SLC35F1: variants seen among roughly 807,000 people sequenced by gnomAD.
SLC35F1 encodes chromosome 6 open reading frame 169.
In SLC35F1, 14 loss-of-function variants were observed where a neutral mutation model predicts 48.7. The observed-to-expected ratio is 0.29, with a 90% confidence interval of 0.19 to 0.45. The LOEUF is 0.45. Ranked by LOEUF, SLC35F1 falls within the 20% of genes least tolerant of loss-of-function variation. The pLI, the probability that SLC35F1 is intolerant of heterozygous loss-of-function variation, is 1.00. For missense variants in SLC35F1, 404 were observed against 500.0 expected (o/e 0.81, Z 1.83); for synonymous variants, 190 against 202.2 (o/e 0.94, Z 0.51).
chr6:117,908,524 C>T (rs1775724392), intron 1 of SLC35F1, among the ~76,000 whole-genome samples: 1 of 152,198 alleles, frequency 6.6e-6, no homozygotes, highest in African/African-American at 2.4e-5. Context: ...AAGTGCAAAA[C>T]ATTGCGGGCA....
In SLC35F1 at chr6:118,049,905, C is replaced by G. The variant is rs1191137844; in HGVS notation, c.174-104540C>G. Among the ~76,000 whole-genome samples, 3 of 152,188 alleles carry G rather than the reference C, an allele frequency of 2.0e-5. No individual in the cohort carries two copies. The East Asian group carries it at 5.8e-4, about 29-fold the overall frequency. ...ATTATAAATCATGCTGCTATAAAGA[C>G]ACATGCACACGTATGTTTATTGTGG... On this transcript the variant is annotated intron_variant, in intron 1 of 7. Coordinates refer to ENST00000360388, the MANE Select transcript of SLC35F1 (RefSeq NM_001029858.4).
chr6:118,196,825 T>A (rs1774807747), intron 2 of SLC35F1, among the ~76,000 whole-genome samples: 1 of 152,192 alleles, frequency 6.6e-6, no homozygotes, highest in Non-Finnish European at 1.5e-5. Context: ...GTTTTAGATC[T>A]TAACATTTAG....
intron 2 of SLC35F1, among the ~76,000 whole-genome samples, chr6:118,176,005 A>G (rs542004981): frequency 8.5e-5 from 13 of 152,196 alleles, no homozygotes; most frequent in East Asian, 1.9e-4. Flanking sequence ...CATTTCTTCA[A>G]TGTTAAGTAT....
At chr6:118,193,598 G>T (rs1272054461) in intron 2 of SLC35F1, among the ~76,000 whole-genome samples, 2 of 151,998 alleles carry the variant, frequency 1.3e-5, no homozygotes, top group Non-Finnish European at 2.9e-5. Flanking sequence ...TACATACCTT[G>T]CATGTAAAAA....
chr6:118,067,202 A>C (rs1772628588), intron 1 of SLC35F1, among the ~76,000 whole-genome samples: 1 of 152,214 alleles, frequency 6.6e-6, no homozygotes, highest in African/African-American at 2.4e-5. Context: ...AAGGTCATAA[A>C]ATGAGAAGAA....
At chr6:118,305,890 T>C (rs772849819) in intron 7 of SLC35F1, among the ~76,000 whole-genome samples, 1 of 152,176 alleles carries the variant, frequency 6.6e-6, no homozygotes, top group Non-Finnish European at 1.5e-5. Flanking sequence ...GTCATGGTTA[T>C]TTACCTCGTG....
At chr6:118,204,758 G>A (rs1774913326) in intron 2 of SLC35F1, among the ~76,000 whole-genome samples, 1 of 152,124 alleles carries the variant, frequency 6.6e-6, no homozygotes, top group African/African-American at 2.4e-5. Context: ...TCAAGAAACA[G>A]TATTACCCAC....
At chr6:118,096,691 A>T (rs2114355946) in intron 1 of SLC35F1, among the ~76,000 whole-genome samples, 1 of 152,290 alleles carries the variant, frequency 6.6e-6, no homozygotes, top group African/African-American at 2.4e-5. Flanking sequence ...TCAGTTAGCC[A>T]AGGGAGATAC....
In SLC35F1 at chr6:117,911,986, T is replaced by C. The variant is rs150606987; in HGVS notation, c.173+4087T>C. 8.8e-4 allele frequency among the ~76,000 whole-genome samples: 134 copies of C among 152,356 alleles called. 1 individual carries two copies. Among genetic ancestry groups the C allele is most frequent in the African/African-American group, 2.7e-3 (112 of 41,576 alleles). ...TTTGAGAAATGAGTGATAGCTTGTT[T>C]TGTGTTTTGCATATGTGTGCTTTTA... is the stretch of plus-strand genomic sequence containing the variant. On this transcript the variant is annotated intron_variant, in intron 1 of 7. Transcript: ENST00000360388.
intron 1 of SLC35F1, among the ~76,000 whole-genome samples, chr6:118,005,184 C>T (rs1267138790): frequency 6.6e-6 from 1 of 152,036 alleles, no homozygotes; most frequent in Non-Finnish European, 1.5e-5. Context: ...GTTCAGAGGT[C>T]CCCTGGTAGT....
At chr6:118,080,183 G>C (rs1772885045) in intron 1 of SLC35F1, among the ~76,000 whole-genome samples, 1 of 152,116 alleles carries the variant, frequency 6.6e-6, no homozygotes. Context: ...GGAACTGCAG[G>C]GAAGAAAAAA....
At chr6:118,023,564 C>G (rs79007679) in intron 1 of SLC35F1, among the ~76,000 whole-genome samples, 153 of 152,160 alleles carry the variant, frequency 1.0e-3, no homozygotes, top group Non-Finnish European at 1.7e-3. Context: ...AAATGGTGGG[C>G]ATGGAAGGGA....
At chr6:118,056,902 T>C (rs896018839) in intron 1 of SLC35F1, among the ~76,000 whole-genome samples, 4 of 152,102 alleles carry the variant, frequency 2.6e-5, no homozygotes, top group African/African-American at 9.7e-5. Context: ...TTTTGATTAT[T>C]AGACCATCTT....
chr6:118,235,730 T>C, intron 3 of SLC35F1, 94 bp downstream of exon 3: 1 of 1,345,122 alleles, frequency 7.4e-7, no homozygotes, highest in South Asian at 1.4e-5. Context: ...TACAAGTTAC[T>C]ATCTGTATAC....
intron 2 of SLC35F1, among the ~76,000 whole-genome samples, chr6:118,162,518 T>C (rs1582703815): frequency 6.6e-6 from 1 of 152,186 alleles, no homozygotes; most frequent in East Asian, 1.9e-4. Flanking sequence ...GAGAATTTTA[T>C]TGTATCTAAG....
chr6:117,963,622 C>T lies in SLC35F1; in HGVS notation c.173+55723C>T, dbSNP rs535160523. ...TAAAGTCTTTCTAGACAATTTTCCC[C>T]CCTGAATTCTTGAAGATTTTTCACC... On this transcript the variant is annotated intron_variant, in intron 1 of 7. Transcript: ENST00000360388. Among the ~76,000 whole-genome samples the T allele has an allele frequency of 3.9e-5, 6 of 152,036 alleles. No individual in the cohort carries two copies. In the South Asian group the frequency reaches 1.2e-3, roughly 32 times the overall value.
intron 6 of SLC35F1, among the ~76,000 whole-genome samples, chr6:118,277,959 A>G (rs968052161): frequency 2.0e-5 from 3 of 152,252 alleles, no homozygotes; most frequent in African/African-American, 7.2e-5. Context: ...ACAAAAAGCC[A>G]TGAAAGGAAA....
At chr6:118,078,823 T>G (rs1306340713) in intron 1 of SLC35F1, among the ~76,000 whole-genome samples, 1 of 152,166 alleles carries the variant, frequency 6.6e-6, no homozygotes, top group Non-Finnish European at 1.5e-5. Flanking sequence ...TTCCTGGTGC[T>G]GGCATTTGAG....
intron 1 of SLC35F1, among the ~76,000 whole-genome samples, chr6:118,094,886 T>C (rs1773127360): frequency 6.6e-6 from 1 of 152,010 alleles, no homozygotes; most frequent in Non-Finnish European, 1.5e-5. Flanking sequence ...GAGAGTCACT[T>C]GAACCCAGGA....
Sources: allele counts gnomAD v4.1 joint callset (sites outside exome capture counted in the v4.1 genomes callset), GRCh38; gene constraint gnomAD v4.1.1; transcripts MANE v1.5; gene names NCBI Gene and HGNC (gene_info 2026-07-23, HGNC 2026-07-21).